The following DAAM2 variants were observed in gnomAD, a reference collection of about 807,000 sequenced individuals.
DAAM2 encodes the protein dishevelled associated activator of morphogenesis 2.
Under a neutral mutation model 120.7 loss-of-function variants are expected in DAAM2, and 39 were observed. The ratio of observed to expected loss-of-function variants is 0.32; its 90% CI spans 0.25 to 0.42. The LOEUF is 0.42. Among genes scored for constraint, DAAM2 ranks in the 10% least tolerant of loss-of-function variants. DAAM2 has a pLI of 1.00. For synonymous variants in DAAM2, 488 were observed against 524.9 expected (o/e 0.93, Z 0.96); for missense variants, 1,283 against 1,401.7 (o/e 0.92, Z 1.35).
intron 14 of DAAM2, chr6:39,882,207 G>A (rs1416990022): frequency 6.6e-6 from 1 of 152,204 alleles, no homozygotes; most frequent in African/African-American, 2.4e-5. Flanking sequence ...GACGCGGTGA[G>A]TGTCAACATG....
At chr6:39,855,508 C>A (rs910129242) in intron 1 of DAAM2, among the ~76,000 whole-genome samples, 1 of 152,180 alleles carries the variant, frequency 6.6e-6, no homozygotes, top group Non-Finnish European at 1.5e-5. Flanking sequence ...ATGTCAAATA[C>A]CATTCCAATG....
chr6:39,864,591 C>A, intron 4 of DAAM2, 84 bp downstream of exon 4: 2 of 1,067,302 alleles, frequency 1.9e-6, no homozygotes, highest in Non-Finnish European at 2.7e-6. Flanking sequence ...ACCCCCCACA[C>A]ACCAAACTGC....
chr6:39,836,642 G>A (rs1306939352), intron 1 of DAAM2, among the ~76,000 whole-genome samples: 11 of 152,104 alleles, frequency 7.2e-5, no homozygotes, highest in Non-Finnish European at 7.4e-5. Flanking sequence ...CTGGGGTGGG[G>A]CCCAGCAATC....
At position 39,887,513 on chromosome 6, in the gene DAAM2, T is replaced by C. The variant is rs770976249; in HGVS notation, c.1981T>C (p.Tyr661His). 6 of 1,613,642 alleles carry C rather than the reference T, an allele frequency of 3.7e-6. No homozygotes were observed. The highest frequency in any genetic ancestry group is 5.1e-6 in the Non-Finnish European group (6 of 1,179,710). The stretch of plus-strand genomic sequence containing the variant: ...AGAGCTGGGCTCCACTGAAGACATC[T>C]ACCTGGCTTCCCGCAAGGTCAAAGA... ...QKELGSTEDIYLASRKVKELS... is the reference protein window; with the variant it reads ...QKELGSTEDIHLASRKVKELS... Residue 661 changes from tyrosine to histidine, a missense_variant, in exon 16 of 25, where the codon TAC becomes CAC. Physicochemically the swap from Tyr to His is moderately conservative, Grantham distance 83. This residue lies in a region of DAAM2 where 748 missense variants were observed against 768.6 expected (regional missense o/e 0.97). Coordinates refer to ENST00000274867, the MANE Select transcript of DAAM2 (RefSeq NM_001201427.2).
rs1763995875 is a variant in DAAM2 at position 39,856,243 on chromosome 6, C to G, written c.-56-4C>G. On this transcript the variant is annotated splice_region_variant and splice_polypyrimidine_tract_variant and intron_variant, in intron 1 of 24. Coordinates refer to ENST00000274867, the MANE Select transcript of DAAM2 (RefSeq NM_001201427.2). ...ACCACCCTGTGTTCTCTCCTCTTGT[C>G]CAGATCACAATGAGGACCTAGGGCA... 1 of 1,390,302 alleles carries G rather than the reference C, an allele frequency of 7.2e-7. No individual in the cohort carries two copies. The highest frequency in any genetic ancestry group is 1.5e-5 in the African/African-American group (1 of 66,234). 86.1% of individuals were successfully genotyped at this position (1,390,302 alleles called of 1,614,324 possible). A position where few individuals can be genotyped will look rare whatever the true frequency, so the allele number is the denominator to read the frequency against.
rs900168270 is a variant in DAAM2 at position 39,887,611 on chromosome 6, G to A, written c.2060+19G>A. ...TTTCCAAGTATGTGCAAAAGAAGGT[G>A]GTTGAGTTGGATGCCTGGGGGACAA... On this transcript the variant is annotated intron_variant, in intron 16 of 24. Transcript: ENST00000274867. 6.4e-7 allele frequency: 1 copy of A among 1,566,402 alleles called. No homozygotes were observed. The highest frequency in any genetic ancestry group is 1.4e-5 in the African/African-American group (1 of 73,986).
In DAAM2 at chr6:39,904,148, A is replaced by G; in HGVS notation, c.*2111A>G. The G allele has an allele frequency of 2.2e-6, 1 of 455,168 alleles. No individual in the cohort carries two copies. Among genetic ancestry groups the G allele is most frequent in the Non-Finnish European group, 4.4e-6 (1 of 226,220 alleles). 28.2% of individuals were successfully genotyped at this position (455,168 alleles called of 1,614,324 possible). A position where few individuals can be genotyped will look rare whatever the true frequency, so the allele number is the denominator to read the frequency against. On this transcript the variant is annotated 3_prime_UTR_variant, in exon 25 of 25. Coordinates refer to ENST00000274867, the MANE Select transcript of DAAM2 (RefSeq NM_001201427.2). Reference sequence around the variant, plus strand: ...ATGGAAGACTGGATACGCACCTGGAAACAAAAGGACTATGGAAGCTGTTCA... The same window carrying G: ...ATGGAAGACTGGATACGCACCTGGAGACAAAAGGACTATGGAAGCTGTTCA...
intron 2 of DAAM2, among the ~76,000 whole-genome samples, chr6:39,857,092 G>A (rs1764038354): frequency 6.6e-6 from 1 of 152,212 alleles, no homozygotes; most frequent in African/African-American, 2.4e-5. Flanking sequence ...CCAGCTTTCA[G>A]ACTGCCCTTG....
intron 1 of DAAM2, among the ~76,000 whole-genome samples, chr6:39,840,673 A>G (rs945632204): frequency 2.0e-5 from 3 of 151,910 alleles, no homozygotes; most frequent in African/African-American, 7.3e-5. Context: ...GGAGTTTTGG[A>G]GGGGAGAGGA....
chr6:39,863,045 C>G (rs1764280067), intron 3 of DAAM2, among the ~76,000 whole-genome samples: 1 of 151,920 alleles, frequency 6.6e-6, no homozygotes, highest in Non-Finnish European at 1.5e-5. Flanking sequence ...TTGGATGGAT[C>G]ACCCCCCAAG....
At chr6:39,827,454 C>T (rs531662907) in intron 1 of DAAM2, among the ~76,000 whole-genome samples, 10 of 152,056 alleles carry the variant, frequency 6.6e-5, no homozygotes, top group South Asian at 6.2e-4. Flanking sequence ...TGAAGTGGGG[C>T]GGGGGTAGTC....
At chr6:39,837,148 G>C (rs1763131385) in intron 1 of DAAM2, among the ~76,000 whole-genome samples, 1 of 152,154 alleles carries the variant, frequency 6.6e-6, no homozygotes, top group Non-Finnish European at 1.5e-5. Flanking sequence ...CTCAAAGGAA[G>C]AGCCAAGGCA....
chr6:39,807,157 C>T (rs188775549), intron 1 of DAAM2, among the ~76,000 whole-genome samples: 109 of 147,880 alleles, frequency 7.4e-4, no homozygotes, highest in African/African-American at 2.5e-3. Flanking sequence ...TTGATACATA[C>T]ATACTTACGG....
rs1008893044 is a variant in DAAM2, at chr6:39,904,734, G to A, written c.*2697G>A. ...TCTACCAGGGATGCCTTCACGCCAA[G>A]GCTGTTCTCACCAGCTGCCTCAGAT... On this transcript the variant is annotated 3_prime_UTR_variant, in exon 25 of 25. Coordinates refer to ENST00000274867, the MANE Select transcript of DAAM2 (RefSeq NM_001201427.2). The A allele has an allele frequency of 4.0e-5, 18 of 453,980 alleles. No homozygotes were observed. Among genetic ancestry groups the A allele is most frequent in the Non-Finnish European group, 7.9e-5 (18 of 226,796 alleles). 28.1% of individuals were successfully genotyped at this position (453,980 alleles called of 1,614,324 possible). A position where few individuals can be genotyped will look rare whatever the true frequency, so the allele number is the denominator to read the frequency against.
At chr6:39,793,253 A>G (rs1188797799) in intron 1 of DAAM2, 1 of 152,360 alleles carries the variant, frequency 6.6e-6, no homozygotes, top group Non-Finnish European at 1.5e-5. Flanking sequence ...TGGTTCTGCC[A>G]CATGGCCACG....
intron 8 of DAAM2, 130 bp from the exon 9 acceptor site, chr6:39,871,376 T>G: frequency 1.2e-6 from 1 of 813,764 alleles, no homozygotes; most frequent in Non-Finnish European, 2.1e-6. Flanking sequence ...TTCTTTCCCA[T>G]TTTGCCTTCA....
At chr6:39,897,877 G>A (rs987926341) in intron 21 of DAAM2, among the ~76,000 whole-genome samples, 6 of 152,174 alleles carry the variant, frequency 3.9e-5, no homozygotes, top group African/African-American at 1.4e-4. Context: ...CGAATGCTGA[G>A]GTTTATTGTG....
chr6:39,859,953 AAG>A (rs1166810468), intron 2 of DAAM2, among the ~76,000 whole-genome samples: 3 of 149,162 alleles, frequency 2.0e-5, no homozygotes, highest in East Asian at 1.9e-4. Context: ...TGAAAATATA[AAG>A]AGTCATAATA....
At chr6:39,889,373 G>C (rs377748460) in intron 17 of DAAM2, among the ~76,000 whole-genome samples, 1 of 152,138 alleles carries the variant, frequency 6.6e-6, no homozygotes, top group African/African-American at 2.4e-5. Context: ...CAATAAGGGG[G>C]CACCACACAC....
Sources: allele counts gnomAD v4.1 joint callset (sites outside exome capture counted in the v4.1 genomes callset), GRCh38; gene constraint gnomAD v4.1.1; regional missense constraint gnomAD v4.1.1; transcripts MANE v1.5; gene names NCBI Gene and HGNC (gene_info 2026-07-23, HGNC 2026-07-21).